Variants in SMCO1 observed in about 807,000 individuals in gnomAD.
SMCO1 encodes single-pass membrane and coiled-coil domain-containing protein 1.
In SMCO1, 9 loss-of-function variants were observed where a neutral mutation model predicts 7.5. That is an observed-to-expected ratio of 1.20 (90% CI 0.72 to 2.09). The LOEUF (loss-of-function observed/expected upper bound fraction) is 2.09, where lower values mean the gene tolerates loss of function less well. SMCO1 is among the 30% of genes most tolerant of loss of function. The pLI is 0.00. For synonymous variants in SMCO1, 90 were observed against 93.8 expected (o/e 0.96, Z 0.23); for missense variants, 219 against 253.1 (o/e 0.87, Z 0.91).
In SMCO1 at chr3:196,509,662, G is replaced by A. The variant is rs9869292; in HGVS notation, c.58C>T (p.His20Tyr). ...TGTGTTTCTAACGCTTGGAGTTTGTGGTCTACTCTGTAGGATAACAGAATC... is the reference window on the plus strand; with the variant it reads ...TGTGTTTCTAACGCTTGGAGTTTGTAGTCTACTCTGTAGGATAACAGAATC... ...SLKEAMKRVD[H>Y]KLQALETQFK... is the part of the protein sequence containing the mutation. Residue 20 changes from histidine to tyrosine, a missense_variant, in exon 2 of 3, where the codon CAC becomes TAC. Physicochemically the swap from His to Tyr is moderately conservative, Grantham distance 83 (BLOSUM62 2). Transcript: ENST00000397537. 0.014 allele frequency: 22,596 copies of A among 1,613,678 alleles called. 2,727 individuals are homozygous for A. The African/African-American group carries it at 0.26, about 19-fold the overall frequency.
rs1425257397 is a variant in SMCO1 at position 196,511,296 on chromosome 3, G to A, written c.51-1627C>T. On this transcript the variant is annotated intron_variant, in intron 1 of 2. Coordinates refer to ENST00000397537, the MANE Select transcript of SMCO1 (RefSeq NM_001077657.3). ...TAGATTGTCCTTATGAGGGAAACTT[G>A]CCTGGGCCACCTAGATTGTCTTTAT... Among the ~76,000 whole-genome samples, 61 of 150,984 alleles carry A rather than the reference G, an allele frequency of 4.0e-4. 3 individuals carry two copies. Among genetic ancestry groups the A allele is most frequent in the African/African-American group, 1.4e-3 (59 of 40,896 alleles).
chr3:196,510,420 T>C (rs537992762), intron 1 of SMCO1, among the ~76,000 whole-genome samples: 1 of 152,342 alleles, frequency 6.6e-6, no homozygotes, highest in South Asian at 2.1e-4. Flanking sequence ...TAGCTAGTGC[T>C]GAGACCAGTA....
chr3:196,515,014 A>T, intron 1 of SMCO1, 146 bp downstream of exon 1: 1 of 942,456 alleles, frequency 1.1e-6, no homozygotes, highest in Non-Finnish European at 1.7e-6. Context: ...TGCTGGGATT[A>T]CAGGTGTGAG....
upstream of SMCO1, among the ~76,000 whole-genome samples, chr3:196,519,247 C>A (rs1184430420): frequency 1.3e-5 from 2 of 152,192 alleles, no homozygotes; most frequent in Non-Finnish European, 1.5e-5. Flanking sequence ...ATCTTGTGAT[C>A]TTTTAGGAAC....
At chr3:196,519,141 C>G (rs969316608), upstream of SMCO1, among the ~76,000 whole-genome samples, 3 of 152,202 alleles carry the variant, frequency 2.0e-5, no homozygotes, top group Non-Finnish European at 4.4e-5. Context: ...CTTATTTTCT[C>G]TGTGTGTCAA....
chr3:196,513,686 T>TC (rs1337077085), intron 1 of SMCO1, among the ~76,000 whole-genome samples: 1 of 151,614 alleles, frequency 6.6e-6, no homozygotes, highest in Non-Finnish European at 1.5e-5. Context: ...CTTTTAGACC[T>TC]TTAAGACTAT....
At chr3:196,509,400 GA>G in intron 2 of SMCO1, 119 bp downstream of exon 2, 1 of 893,118 alleles carries the variant, frequency 1.1e-6, no homozygotes, top group Non-Finnish European at 1.7e-6. Flanking sequence ...ATGAACCTAA[GA>G]AAATGTAATT....
intron 1 of SMCO1, 108 bp from the exon 2 acceptor site, chr3:196,509,777 TA>T: frequency 2.1e-6 from 2 of 949,382 alleles, no homozygotes; most frequent in Non-Finnish European, 3.0e-6. Context: ...CAAATTTGGA[TA>T]ACTTTTTTTT....
intron 1 of SMCO1, among the ~76,000 whole-genome samples, chr3:196,512,369 TC>T (rs1291603071): frequency 3.3e-5 from 5 of 152,184 alleles, no homozygotes; most frequent in African/African-American, 1.2e-4. Context: ...AGCTTCCGTA[TC>T]TCCAGTGACC....
At chr3:196,517,104 C>CAAAA (rs56104987), upstream of SMCO1, among the ~76,000 whole-genome samples, 27 of 35,738 alleles carry the variant, frequency 7.6e-4, 3 homozygotes, top group African/African-American at 3.1e-3. Flanking sequence ...GACTCCATCG[C>CAAAA]AAAAAAAAAA....
upstream of SMCO1, among the ~76,000 whole-genome samples, chr3:196,517,245 CT>C (rs1011357723): frequency 6.7e-6 from 1 of 149,770 alleles, no homozygotes; most frequent in African/African-American, 2.4e-5. Context: ...ATAGGAGTGT[CT>C]TTTTTTATTC....
Position 196,508,752 on chromosome 3 carries a change from C to T in SMCO1, c.201-421G>A, listed in dbSNP as rs572957826. Among the ~76,000 whole-genome samples the T allele has an allele frequency of 8.6e-3, 1,302 of 150,732 alleles. 21 individuals are homozygous for T. The highest frequency in any genetic ancestry group is 0.029 in the African/African-American group (1,191 of 41,260). ...AGGAGTTTGAGACCAGCCTGGCCAA[C>T]ATGGTGAAACCCCGTCTCTACTAAA... is the stretch of plus-strand genomic sequence containing the variant. On this transcript the variant is annotated intron_variant, in intron 2 of 2. Coordinates refer to ENST00000397537, the MANE Select transcript of SMCO1 (RefSeq NM_001077657.3).
rs117329356 is a variant in SMCO1, at chr3:196,510,858, C to G, written c.51-1189G>C. ...CTGTCCCCCAATACCCAGCAAAGGT[C>G]TTGCACAGTAATAAAAGTTTCCCTG... On this transcript the variant is annotated intron_variant, in intron 1 of 2. Transcript: ENST00000397537. 2.3e-4 allele frequency among the ~76,000 whole-genome samples: 35 copies of G among 152,280 alleles called. No individual in the cohort carries two copies. The East Asian group carries it at 5.4e-3, about 23-fold the overall frequency.
At chr3:196,511,029 A>G (rs576322936) in intron 1 of SMCO1, among the ~76,000 whole-genome samples, 12 of 152,292 alleles carry the variant, frequency 7.9e-5, no homozygotes, top group East Asian at 3.9e-4. Flanking sequence ...GAGCAACACA[A>G]TTCACTTGCC....
intron 2 of SMCO1, among the ~76,000 whole-genome samples, chr3:196,509,199 G>A (rs1264045989): frequency 7.6e-5 from 11 of 145,382 alleles, no homozygotes; most frequent in South Asian, 2.2e-4. Context: ...ACAGGTGCCT[G>A]CCACCACACC....
At chr3:196,513,803 G>A (rs2108663688) in intron 1 of SMCO1, among the ~76,000 whole-genome samples, 1 of 152,262 alleles carries the variant, frequency 6.6e-6, no homozygotes, top group Non-Finnish European at 1.5e-5. Flanking sequence ...TCTCACCAAA[G>A]GACAGTCCGA....
In SMCO1 at chr3:196,515,272, G is replaced by C; in HGVS notation, c.-63C>G. 7.5e-7 allele frequency: 1 copy of C among 1,331,592 alleles called. No individual in the cohort carries two copies. The highest frequency in any genetic ancestry group is 1.1e-6 in the Non-Finnish European group (1 of 925,568). 82.5% of individuals were successfully genotyped at this position (1,331,592 alleles called of 1,614,324 possible). On this transcript the variant is annotated 5_prime_UTR_variant, in exon 1 of 3. Transcript: ENST00000397537. The stretch of plus-strand genomic sequence containing the variant: ...AAAACAAAAAAAGCAATAAATGTTT[G>C]AATCCAGAATTTTCTGCGGTCTTCC...
chr3:196,519,403 T>C (rs1182880165), upstream of SMCO1, among the ~76,000 whole-genome samples: 3 of 152,220 alleles, frequency 2.0e-5, no homozygotes, highest in Non-Finnish European at 4.4e-5. Flanking sequence ...TTCCCAATTT[T>C]TCCATTTTGC....
chr3:196,513,362 G>C (rs556723107), intron 1 of SMCO1, among the ~76,000 whole-genome samples: 53 of 152,014 alleles, frequency 3.5e-4, no homozygotes, highest in African/African-American at 1.0e-3. Context: ...CGGGTGCAGT[G>C]GCTCACGCCT....
Sources: allele counts gnomAD v4.1 joint callset (sites outside exome capture counted in the v4.1 genomes callset), GRCh38; gene constraint gnomAD v4.1.1; transcripts MANE v1.5; gene names NCBI Gene and HGNC (gene_info 2026-07-23, HGNC 2026-07-21).